The following GPC5 variants were observed in gnomAD, a reference collection of about 807,000 sequenced individuals.
GPC5 encodes the protein glypican 5, also known as glypican-5.
Under a neutral mutation model 53.9 loss-of-function variants are expected in GPC5, and 47 were observed. That is an observed-to-expected ratio of 0.87 (90% CI 0.69 to 1.11). GPC5 has a LOEUF of 1.11. GPC5 is among the 50% of genes most tolerant of loss of function. The pLI is 0.00. For missense variants in GPC5, 748 were observed against 713.1 expected, an observed-to-expected ratio of 1.05 and a Z score of -0.56; for synonymous variants, 286 against 263.3, an observed-to-expected ratio of 1.09 and a Z score of -0.84.
At chr13:91,516,605 G>T (rs901456240) in intron 2 of GPC5, among the ~76,000 whole-genome samples, 3 of 152,146 alleles carry the variant, frequency 2.0e-5, no homozygotes, top group African/African-American at 7.2e-5. Flanking sequence ...GCTTTTGCTG[G>T]ATCTACCATT....
At chr13:92,082,567 CA>C (rs1296542249) in intron 6 of GPC5, among the ~76,000 whole-genome samples, 1 of 152,094 alleles carries the variant, frequency 6.6e-6, no homozygotes, top group Non-Finnish European at 1.5e-5. Context: ...AATTCCTTAG[CA>C]AAAAAATAGT....
intron 7 of GPC5, among the ~76,000 whole-genome samples, chr13:92,857,464 A>T (rs1879037672): frequency 1.3e-5 from 2 of 152,194 alleles, no homozygotes; most frequent in African/African-American, 4.8e-5. Flanking sequence ...AAAAGTTGAC[A>T]AGTTGGACCT....
At chr13:92,512,494 T>C (rs1880610101) in intron 7 of GPC5, among the ~76,000 whole-genome samples, 1 of 151,784 alleles carries the variant, frequency 6.6e-6, no homozygotes, top group Non-Finnish European at 1.5e-5. Context: ...ATATTATATA[T>C]AAGAAACAGC....
chr13:91,528,886 G>T (rs1026467323), intron 2 of GPC5, among the ~76,000 whole-genome samples: 1 of 152,140 alleles, frequency 6.6e-6, no homozygotes, highest in South Asian at 2.1e-4. Flanking sequence ...ATCAGAGTGC[G>T]TGAGAACCCC....
chr13:92,137,115 T>C (rs372781771), intron 6 of GPC5, among the ~76,000 whole-genome samples: 3 of 152,142 alleles, frequency 2.0e-5, no homozygotes, highest in African/African-American at 7.2e-5. Context: ...ACGGATGCAG[T>C]GTCATGCGCA....
chr13:92,105,405 C>CT (rs2041501941), intron 6 of GPC5, among the ~76,000 whole-genome samples: 1 of 152,068 alleles, frequency 6.6e-6, no homozygotes, highest in Non-Finnish European at 1.5e-5. Flanking sequence ...CAAATGAAAT[C>CT]TTTAACTTTC....
At chr13:91,503,788 A>ATAATAATAG (rs1271497504) in intron 2 of GPC5, among the ~76,000 whole-genome samples, 1 of 143,104 alleles carries the variant, frequency 7.0e-6, no homozygotes, top group Non-Finnish European at 1.5e-5. Flanking sequence ...CAAAATAATA[A>ATAATAATAG]TAATAATAAT....
At chr13:92,181,833 T>C (rs1490029105) in intron 7 of GPC5, among the ~76,000 whole-genome samples, 1 of 152,158 alleles carries the variant, frequency 6.6e-6, no homozygotes, top group Non-Finnish European at 1.5e-5. Context: ...ATCCAGTCAA[T>C]GGATTAAATT....
chr13:92,725,966 G>C (rs895901155), intron 7 of GPC5, among the ~76,000 whole-genome samples: 4 of 151,572 alleles, frequency 2.6e-5, no homozygotes, highest in Non-Finnish European at 5.9e-5. Flanking sequence ...TGAAATGACT[G>C]AACTGTATCA....
At chr13:91,957,594 T>C (rs1229563804) in intron 6 of GPC5, among the ~76,000 whole-genome samples, 3 of 152,096 alleles carry the variant, frequency 2.0e-5, no homozygotes, top group Non-Finnish European at 4.4e-5. Context: ...AAAGGAACAA[T>C]CAGCAGATTT....
chr13:92,246,886 TTTTAA>T (rs2042655006), intron 7 of GPC5, among the ~76,000 whole-genome samples: 1 of 152,164 alleles, frequency 6.6e-6, no homozygotes, highest in Non-Finnish European at 1.5e-5. Flanking sequence ...AACTTGAATC[TTTTAA>T]TTAACTATGT....
chr13:92,531,490 GAT>G (rs1221206048), intron 7 of GPC5, among the ~76,000 whole-genome samples: 1 of 150,168 alleles, frequency 6.7e-6, no homozygotes, highest in African/African-American at 2.4e-5. Context: ...CATATAAAGA[GAT>G]ATATGTTTAT....
intron 1 of GPC5, among the ~76,000 whole-genome samples, chr13:91,420,916 A>G (rs528041365): frequency 6.6e-6 from 1 of 152,304 alleles, no homozygotes; most frequent in South Asian, 2.1e-4. Context: ...TTTATAAATT[A>G]TCTAGTCTTG....
In GPC5 at chr13:91,619,290, C is replaced by T. The variant is rs144947025; in HGVS notation, c.326-73897C>T. On this transcript the variant is annotated intron_variant, in intron 2 of 7. Coordinates refer to ENST00000377067, the MANE Select transcript of GPC5 (RefSeq NM_004466.6). The stretch of plus-strand genomic sequence containing the variant: ...GAAGGATTCTTAATTCTTTTGAAAA[C>T]ATGTCCAAGACCCATTTATTTGTTA... Among the ~76,000 whole-genome samples, 406 of 152,168 alleles carry T rather than the reference C, an allele frequency of 2.7e-3. 3 individuals are homozygous for T. The highest frequency in any genetic ancestry group is 9.2e-3 in the African/African-American group (383 of 41,538).
At chr13:92,760,278 G>T (rs371740309) in intron 7 of GPC5, among the ~76,000 whole-genome samples, 3 of 152,032 alleles carry the variant, frequency 2.0e-5, no homozygotes, top group Admixed American at 6.6e-5. Context: ...CCTTTGAAAG[G>T]TTGGTAGAAT....
chr13:92,557,818 G>A (rs1026772886), intron 7 of GPC5, among the ~76,000 whole-genome samples: 4 of 151,950 alleles, frequency 2.6e-5, no homozygotes, highest in African/African-American at 9.6e-5. Context: ...AGGCTTACCT[G>A]GATTATGGCA....
chr13:91,871,706 T>G (rs117872892), intron 5 of GPC5, among the ~76,000 whole-genome samples: 1 of 151,696 alleles, frequency 6.6e-6, no homozygotes, highest in South Asian at 2.1e-4. Flanking sequence ...TTTTTTTTTT[T>G]CAGCCACTTT....
intron 7 of GPC5, among the ~76,000 whole-genome samples, chr13:92,740,754 T>C (rs1440613532): frequency 6.6e-6 from 1 of 151,640 alleles, no homozygotes; most frequent in Middle Eastern, 3.2e-3. Context: ...GGTAGGAAAG[T>C]ATTGAGGAAA....
chr13:92,094,292 G>A (rs182081785), intron 6 of GPC5, among the ~76,000 whole-genome samples: 148 of 152,054 alleles, frequency 9.7e-4, no homozygotes, highest in African/African-American at 3.4e-3. Context: ...CGAGGTGGGT[G>A]GATCACGAAG....
Sources: allele counts gnomAD v4.1 joint callset (sites outside exome capture counted in the v4.1 genomes callset), GRCh38; gene constraint gnomAD v4.1.1; transcripts MANE v1.5; gene names NCBI Gene and HGNC (gene_info 2026-07-23, HGNC 2026-07-21).